Variants in NEK4 observed in about 807,000 individuals in gnomAD.
NEK4 encodes serine/threonine-protein kinase Nek4.
NEK4 carries 86 observed loss-of-function variants against 98.4 expected under a neutral mutation model. The ratio of observed to expected loss-of-function variants is 0.87; its 90% CI spans 0.73 to 1.05. NEK4 has a LOEUF of 1.05. Among genes scored for constraint, NEK4 ranks in the 50% least tolerant of loss-of-function variants. The probability of loss-of-function intolerance (pLI) is 0.00; values close to 1 mark genes in which losing one functional copy is unlikely to be tolerated. For synonymous variants in NEK4, 328 were observed against 342.2 expected, an observed-to-expected ratio of 0.96 and a Z score of 0.46; for missense variants, 898 against 950.3, an observed-to-expected ratio of 0.94 and a Z score of 0.72.
intron 10 of NEK4, among the ~76,000 whole-genome samples, chr3:52,744,972 G>A (rs57488900): frequency 3.3e-5 from 5 of 151,728 alleles, no homozygotes; most frequent in Admixed American, 2.6e-4. Context: ...CTGGAGTGCA[G>A]TGGCCCTATC....
At chr3:52,764,778 G>A (rs920173042) in intron 4 of NEK4, among the ~76,000 whole-genome samples, 17 of 145,030 alleles carry the variant, frequency 1.2e-4, no homozygotes, top group African/African-American at 1.4e-4. Context: ...ACACACACAT[G>A]CACACACACA....
intron 13 of NEK4, 141 bp from the exon 14 acceptor site, chr3:52,739,775 C>A: frequency 3.0e-6 from 2 of 661,080 alleles, no homozygotes; most frequent in Non-Finnish European, 5.2e-6. Context: ...GACCCTTCCA[C>A]AAATAACAAC....
At chr3:52,763,414 C>T (rs1420578521) in intron 5 of NEK4, 56 bp downstream of exon 5, 2 of 1,486,514 alleles carry the variant, frequency 1.3e-6, no homozygotes, top group Non-Finnish European at 1.8e-6. Context: ...ATTACAGAAG[C>T]CACCCTCTTT....
intron 11 of NEK4, among the ~76,000 whole-genome samples, chr3:52,743,723 G>A (rs1403026221): frequency 1.3e-5 from 2 of 152,098 alleles, no homozygotes; most frequent in Non-Finnish European, 2.9e-5. Flanking sequence ...TGCATATTTT[G>A]GCAGTACTGT....
chr3:52,733,901 C>T (rs1377999566), intron 15 of NEK4: 1 of 290,586 alleles, frequency 3.4e-6, no homozygotes, highest in African/African-American at 2.2e-5. Context: ...TACTTCATAG[C>T]TAACACAACA....
At chr3:52,749,334 T>C (rs2097401251) in intron 8 of NEK4, among the ~76,000 whole-genome samples, 1 of 151,600 alleles carries the variant, frequency 6.6e-6, no homozygotes, top group African/African-American at 2.4e-5. Flanking sequence ...GGTTTCACCA[T>C]GTTGGCCAGG....
intron 6 of NEK4, chr3:52,754,652 A>T (rs1016980478): frequency 8.9e-6 from 6 of 672,530 alleles, no homozygotes; most frequent in African/African-American, 5.4e-5. Flanking sequence ...AGCCTGGCTC[A>T]GTACAATCTT....
chr3:52,741,013 TCA>T (rs1379741548), intron 13 of NEK4, among the ~76,000 whole-genome samples: 3 of 151,200 alleles, frequency 2.0e-5, no homozygotes, highest in Non-Finnish European at 2.9e-5. Context: ...GGTGGGCAGA[TCA>T]CGAGGTCAGG....
chr3:52,752,377 A>T (rs780088715), intron 6 of NEK4, 41 bp from the exon 7 acceptor site: 5 of 1,557,714 alleles, frequency 3.2e-6, no homozygotes, highest in South Asian at 1.2e-5. Context: ...AGCACTCCTC[A>T]TATCTTATAC....
At chr3:52,717,783 A>G (rs2097356534) in intron 15 of NEK4, among the ~76,000 whole-genome samples, 1 of 151,526 alleles carries the variant, frequency 6.6e-6, no homozygotes, top group Non-Finnish European at 1.5e-5. Context: ...CTTTAATTAA[A>G]TTATTATTAT....
In NEK4 at chr3:52,722,210, T is replaced by C. The variant is rs146729357; in HGVS notation, c.2434-10341A>G. Among the ~76,000 whole-genome samples, 195 of 152,312 alleles carry C rather than the reference T, an allele frequency of 1.3e-3. 1 individual carries two copies. The East Asian group carries it at 0.016, about 12-fold the overall frequency. On this transcript the variant is annotated intron_variant, in intron 15 of 15. Transcript: ENST00000233027. Reference sequence around the variant, plus strand: ...CACCCTCGCATCCCCTCTCTGCTGATAGCTGTTTCATCACTCAATAAAATT... The same window carrying C: ...CACCCTCGCATCCCCTCTCTGCTGACAGCTGTTTCATCACTCAATAAAATT...
chr3:52,763,576 T>G lies in NEK4; in HGVS notation c.715A>C (p.Arg239=), dbSNP rs35778416. ...DYSPELAELI[R]TMLSKRPEER... is the part of the protein sequence containing the mutation. ...TCAGGCCTTTTGCTCAGCATTGTTC[T>G]TATCAGTTCTGCCAGCTCTGGGCTG... Residue 239 remains arginine, a synonymous_variant, in exon 5 of 16, where the codon AGA becomes CGA. Coordinates refer to ENST00000233027, the MANE Select transcript of NEK4 (RefSeq NM_003157.6). 6.2e-7 allele frequency: 1 copy of G among 1,612,818 alleles called. No homozygotes were observed. The highest frequency in any genetic ancestry group is 2.2e-5 in the East Asian group (1 of 44,844).
intron 15 of NEK4, among the ~76,000 whole-genome samples, chr3:52,720,873 G>C (rs1260085240): frequency 1.3e-5 from 2 of 152,142 alleles, no homozygotes; most frequent in African/African-American, 2.4e-5. Context: ...AACACATTTT[G>C]CCTCTCCTTA....
In NEK4 at chr3:52,770,907, C is replaced by A; in HGVS notation, c.-161G>T. 1 of 626,760 alleles carries A rather than the reference C, an allele frequency of 1.6e-6. No individual in the cohort carries two copies. Among genetic ancestry groups the A allele is most frequent in the Non-Finnish European group, 2.8e-6 (1 of 360,648 alleles). The allele number at this position is 626,760 out of a possible 1,614,324, so 38.8% of individuals were successfully genotyped here. On this transcript the variant is annotated 5_prime_UTR_variant, in exon 1 of 16. Transcript: ENST00000233027. ...GCTGGGGCCCGGCCCGCGACGACGC[C>A]GCTGCCATAGCGATCCGGGCCGGGA...
intron 13 of NEK4, among the ~76,000 whole-genome samples, chr3:52,739,952 A>C (rs2097383046): frequency 6.6e-6 from 1 of 152,232 alleles, no homozygotes; most frequent in African/African-American, 2.4e-5. Flanking sequence ...TACAGAAAGG[A>C]CAGAGTTCAG....
chr3:52,732,324 G>A (rs1206278309), intron 15 of NEK4, among the ~76,000 whole-genome samples: 1 of 152,160 alleles, frequency 6.6e-6, no homozygotes, highest in Admixed American at 6.5e-5. Context: ...CTCCCAAGTA[G>A]TTGGGACTAC....
chr3:52,740,336 A>G (rs1288656129), intron 13 of NEK4, among the ~76,000 whole-genome samples: 1 of 152,232 alleles, frequency 6.6e-6, no homozygotes, highest in Non-Finnish European at 1.5e-5. Context: ...TGAACATGTT[A>G]AAGAGAGACA....
At chr3:52,770,226 T>C (rs1698723275) in intron 1 of NEK4, among the ~76,000 whole-genome samples, 1 of 151,896 alleles carries the variant, frequency 6.6e-6, no homozygotes, top group African/African-American at 2.4e-5. Flanking sequence ...CAGTCTACAG[T>C]AGAGACGTTT....
intron 15 of NEK4, among the ~76,000 whole-genome samples, chr3:52,716,147 C>T (rs1480969370): frequency 2.0e-5 from 3 of 152,192 alleles, no homozygotes; most frequent in Non-Finnish European, 2.9e-5. Flanking sequence ...CACCCCTCGC[C>T]GCTCCATGCC....
Sources: allele counts gnomAD v4.1 joint callset (sites outside exome capture counted in the v4.1 genomes callset), GRCh38; gene constraint gnomAD v4.1.1; transcripts MANE v1.5; gene names NCBI Gene and HGNC (gene_info 2026-07-23, HGNC 2026-07-21).